MCUB: variants seen among roughly 807,000 people sequenced by gnomAD.
MCUB encodes the protein calcium uniporter regulatory subunit MCUb, mitochondrial.
A neutral mutation model predicts 41.4 loss-of-function variants in MCUB; 46 were observed. The ratio of observed to expected loss-of-function variants is 1.11; its 90% CI spans 0.88 to 1.42. The LOEUF (loss-of-function observed/expected upper bound fraction) is 1.42, where lower values mean the gene tolerates loss of function less well. Ranked by LOEUF, MCUB falls within the 40% of genes most tolerant of loss-of-function variation. MCUB has a pLI of 0.00. For synonymous variants in MCUB, 148 were observed against 148.2 expected (o/e 1.00, Z 0.01); for missense variants, 403 against 404.9 (o/e 1.00, Z 0.04).
intron 1 of MCUB, among the ~76,000 whole-genome samples, chr4:109,569,292 C>T (rs1042915762): frequency 1.3e-5 from 2 of 152,014 alleles, no homozygotes; most frequent in Non-Finnish European, 2.9e-5. Flanking sequence ...GTGATCCGCC[C>T]GTCTCGGCCT....
At chr4:109,683,992 A>C (rs922424033) in intron 5 of MCUB, among the ~76,000 whole-genome samples, 25 of 152,172 alleles carry the variant, frequency 1.6e-4, no homozygotes, top group Non-Finnish European at 2.5e-4. Flanking sequence ...TGTATGTTTC[A>C]TAAATTGTTT....
At chr4:109,644,505 A>G (rs565259882) in intron 1 of MCUB, among the ~76,000 whole-genome samples, 3 of 152,344 alleles carry the variant, frequency 2.0e-5, no homozygotes, top group South Asian at 4.1e-4. Context: ...ATCTTGTCCT[A>G]TGGATCTAAC....
chr4:109,633,922 T>G (rs1413087431), intron 1 of MCUB, among the ~76,000 whole-genome samples: 2 of 151,642 alleles, frequency 1.3e-5, no homozygotes, highest in Non-Finnish European at 2.9e-5. Context: ...AATTATTTCT[T>G]TCTCTGGGGC....
At chr4:109,573,867 AT>A (rs70954166) in intron 1 of MCUB, among the ~76,000 whole-genome samples, 9,443 of 112,460 alleles carry the variant, frequency 0.084, 307 homozygotes, top group Middle Eastern at 0.17. Context: ...AAAGGGTTGA[AT>A]TTTTTTTTTT....
chr4:109,622,267 T>C (rs1728265266), intron 1 of MCUB, among the ~76,000 whole-genome samples: 1 of 152,240 alleles, frequency 6.6e-6, no homozygotes. Context: ...GAATCAAGTG[T>C]TAGAAAGCAA....
At chr4:109,571,056 G>C (rs1395061845) in intron 1 of MCUB, among the ~76,000 whole-genome samples, 1 of 152,168 alleles carries the variant, frequency 6.6e-6, no homozygotes, top group Non-Finnish European at 1.5e-5. Context: ...TGGATGAAAA[G>C]GAAAAGGCTT....
chr4:109,612,873 A>G (rs549987456), intron 1 of MCUB, among the ~76,000 whole-genome samples: 100 of 152,250 alleles, frequency 6.6e-4, no homozygotes, highest in South Asian at 1.9e-3. Context: ...TTGGGAGGCC[A>G]AGGCGGGCGG....
At chr4:109,657,076 A>T (rs1371079019) in intron 1 of MCUB, among the ~76,000 whole-genome samples, 1 of 152,110 alleles carries the variant, frequency 6.6e-6, no homozygotes. Flanking sequence ...AAAATTAGCC[A>T]GGCATGGTGG....
At chr4:109,644,336 C>T (rs961655404) in intron 1 of MCUB, among the ~76,000 whole-genome samples, 2 of 152,170 alleles carry the variant, frequency 1.3e-5, no homozygotes, top group Non-Finnish European at 2.9e-5. Context: ...CAAGCAGCCA[C>T]AATCCCACTA....
At chr4:109,662,553 T>C (rs1729251686) in intron 3 of MCUB, among the ~76,000 whole-genome samples, 3 of 152,194 alleles carry the variant, frequency 2.0e-5, no homozygotes, top group Non-Finnish European at 4.4e-5. Context: ...CTCTTTGGAC[T>C]GAGTGCAAAC....
chr4:109,581,882 G>C (rs1727185626), intron 1 of MCUB, among the ~76,000 whole-genome samples: 1 of 152,174 alleles, frequency 6.6e-6, no homozygotes, highest in Non-Finnish European at 1.5e-5. Flanking sequence ...GGAAACAACA[G>C]GTGCTGGAAA....
At chr4:109,582,279 A>C (rs1727196954) in intron 1 of MCUB, among the ~76,000 whole-genome samples, 1 of 150,792 alleles carries the variant, frequency 6.6e-6, no homozygotes, top group Non-Finnish European at 1.5e-5. Flanking sequence ...TTGCAAGGAC[A>C]AAAAACCAAA....
intron 1 of MCUB, among the ~76,000 whole-genome samples, chr4:109,650,568 G>A (rs181718693): frequency 1.3e-3 from 194 of 152,272 alleles, no homozygotes; most frequent in Non-Finnish European, 1.9e-3. Context: ...ACCACAGTGG[G>A]AAGACTATTT....
chr4:109,603,099 C>T (rs1561223883), intron 1 of MCUB, among the ~76,000 whole-genome samples: 1 of 152,200 alleles, frequency 6.6e-6, no homozygotes. Flanking sequence ...CTCTCCATCT[C>T]CCTCTCCATA....
intron 1 of MCUB, among the ~76,000 whole-genome samples, chr4:109,657,805 G>A (rs1729138357): frequency 6.6e-6 from 1 of 152,218 alleles, no homozygotes; most frequent in African/African-American, 2.4e-5. Context: ...CATGTTCCGT[G>A]GTGAGGTGGC....
intron 1 of MCUB, among the ~76,000 whole-genome samples, chr4:109,621,515 G>T (rs1167769347): frequency 6.6e-6 from 1 of 152,166 alleles, no homozygotes; most frequent in Non-Finnish European, 1.5e-5. Flanking sequence ...CAAGGTAGAT[G>T]AATGCCAAAT....
chr4:109,645,883 C>T (rs1422877559), intron 1 of MCUB, among the ~76,000 whole-genome samples: 2 of 152,154 alleles, frequency 1.3e-5, no homozygotes, highest in East Asian at 3.9e-4. Context: ...CTTTCTCAAA[C>T]AAACAGATGT....
chr4:109,581,904 A>G (rs1727185988), intron 1 of MCUB, among the ~76,000 whole-genome samples: 1 of 152,208 alleles, frequency 6.6e-6, no homozygotes, highest in East Asian at 1.9e-4. Context: ...GATGTGGAGA[A>G]ATAGGAACAC....
At chr4:109,601,371 C>G (rs1727730901) in intron 1 of MCUB, among the ~76,000 whole-genome samples, 1 of 152,086 alleles carries the variant, frequency 6.6e-6, no homozygotes, top group African/African-American at 2.4e-5. Flanking sequence ...ACCTGTTAAC[C>G]ATTCACACTC....
Sources: gnomAD v4.1 joint callset for allele counts (sites outside exome capture counted in the v4.1 genomes callset) on GRCh38, gnomAD v4.1.1 for gene constraint, MANE v1.5 for transcripts, NCBI Gene and HGNC (gene_info 2026-07-23, HGNC 2026-07-21) for gene names.